Variants in CRISP2 observed in about 807,000 individuals in gnomAD.
CRISP2 encodes cysteine rich secretory protein 2.
In CRISP2, 29 loss-of-function variants were observed where a neutral mutation model predicts 31.7. That is an observed-to-expected ratio of 0.92 (90% CI 0.68 to 1.25). The LOEUF (loss-of-function observed/expected upper bound fraction) is 1.25, where lower values mean the gene tolerates loss of function less well. Ranked by LOEUF, CRISP2 falls within the 50% of genes most tolerant of loss-of-function variation. CRISP2 has a pLI of 0.00. For missense variants in CRISP2, 318 were observed against 286.5 expected, an observed-to-expected ratio of 1.11 and a Z score of -0.79; for synonymous variants, 111 against 101.4, an observed-to-expected ratio of 1.09 and a Z score of -0.57.
At chr6:49,693,255 T>C (rs1050587447) in intron 9 of CRISP2, among the ~76,000 whole-genome samples, 3 of 152,194 alleles carry the variant, frequency 2.0e-5, no homozygotes, top group Admixed American at 2.0e-4. Flanking sequence ...TTTCTATGCC[T>C]GCACAGCCAA....
downstream of CRISP2, among the ~76,000 whole-genome samples, chr6:49,689,327 T>A (rs1005537006): frequency 6.6e-6 from 1 of 152,196 alleles, no homozygotes; most frequent in Non-Finnish European, 1.5e-5. Flanking sequence ...ATACCTCTAG[T>A]ATGGTATTTA....
the CRISP2 span, among the ~76,000 whole-genome samples, chr6:49,677,401 T>C: frequency 1.3e-5 from 2 of 152,154 alleles, no homozygotes; most frequent in African/African-American, 4.8e-5. Context: ...ATTCCTTGTA[T>C]TTATTATGTT....
At chr6:49,687,270 A>G in the CRISP2 span, among the ~76,000 whole-genome samples, 7 of 152,216 alleles carry the variant, frequency 4.6e-5, no homozygotes, top group Non-Finnish European at 1.0e-4. Context: ...TAACAAATAT[A>G]CAATGTATAA....
chr6:49,686,024 T>C, the CRISP2 span, among the ~76,000 whole-genome samples: 1 of 152,188 alleles, frequency 6.6e-6, no homozygotes. Flanking sequence ...CTAGTGTCAA[T>C]ACTTTCTAGT....
chr6:49,677,562 C>T, the CRISP2 span, among the ~76,000 whole-genome samples: 2 of 152,126 alleles, frequency 1.3e-5, no homozygotes, highest in Non-Finnish European at 2.9e-5. Flanking sequence ...GCAGGAAATA[C>T]ATTAAGGATT....
At chr6:49,678,784 G>A in the CRISP2 span, among the ~76,000 whole-genome samples, 15 of 152,176 alleles carry the variant, frequency 9.9e-5, no homozygotes, top group African/African-American at 3.4e-4. Flanking sequence ...TCCTACAAAG[G>A]TCTTTCACCT....
downstream of CRISP2, among the ~76,000 whole-genome samples, chr6:49,688,930 G>A (rs562157052): frequency 4.6e-5 from 7 of 151,964 alleles, no homozygotes; most frequent in South Asian, 2.1e-4. Context: ...GTGCAATGGC[G>A]CCGTCTCAGC....
intron 5 of CRISP2, among the ~76,000 whole-genome samples, 198 bp downstream of exon 5, chr6:49,700,470 C>T (rs1765473564): frequency 6.6e-6 from 1 of 152,150 alleles, no homozygotes; most frequent in African/African-American, 2.4e-5. Flanking sequence ...AATTTAAAAA[C>T]TCTGTATAAT....
the CRISP2 span, among the ~76,000 whole-genome samples, chr6:49,684,706 G>A: frequency 2.0e-5 from 3 of 152,066 alleles, no homozygotes; most frequent in African/African-American, 7.2e-5. Context: ...ATGTAAATTA[G>A]GGGTATCTTA....
the CRISP2 span, among the ~76,000 whole-genome samples, chr6:49,682,573 TTTTCTTTCTTTC>T: frequency 1.9e-5 from 2 of 105,838 alleles, no homozygotes; most frequent in Admixed American, 1.0e-4. Flanking sequence ...CTTTCTTTCT[TTTTCTTTCTTTC>T]TTTTTCTTTC....
chr6:49,701,500 G>GTATATATA (rs1165518459), intron 4 of CRISP2, among the ~76,000 whole-genome samples: 18 of 46,542 alleles, frequency 3.9e-4, no homozygotes, highest in African/African-American at 1.7e-3. Context: ...GTGTGTGTGT[G>GTATATATA]TATATATATA....
intron 4 of CRISP2, among the ~76,000 whole-genome samples, chr6:49,701,741 C>T (rs531846136): frequency 7.8e-4 from 65 of 83,490 alleles, no homozygotes; most frequent in African/African-American, 2.9e-3. Context: ...TATATATACA[C>T]GGTATATATA....
chr6:49,680,941 G>C, the CRISP2 span, among the ~76,000 whole-genome samples: 2 of 152,130 alleles, frequency 1.3e-5, no homozygotes, highest in Non-Finnish European at 2.9e-5. Flanking sequence ...CCATTATGTA[G>C]GTTGTCTGTT....
At chr6:49,692,123 C>G (rs1764083582), downstream of CRISP2, among the ~76,000 whole-genome samples, 1 of 151,992 alleles carries the variant, frequency 6.6e-6, no homozygotes, top group East Asian at 1.9e-4. Flanking sequence ...ATCAAAATAT[C>G]AAAAAGGAGA....
intron 7 of CRISP2, 140 bp from the exon 8 acceptor site, chr6:49,698,097 G>T: frequency 1.4e-6 from 1 of 732,776 alleles, no homozygotes; most frequent in Non-Finnish European, 2.1e-6. Flanking sequence ...TTGAACCAAA[G>T]TCATAAACTT....
chr6:49,677,761 T>C, the CRISP2 span, among the ~76,000 whole-genome samples: 1 of 152,108 alleles, frequency 6.6e-6, no homozygotes, highest in Non-Finnish European at 1.5e-5. Context: ...GCAAGCTTAA[T>C]AATGAATAAA....
chr6:49,700,052 G>C (rs1765404212), intron 5 of CRISP2, among the ~76,000 whole-genome samples, 161 bp from the exon 6 acceptor site: 1 of 152,088 alleles, frequency 6.6e-6, no homozygotes, highest in African/African-American at 2.4e-5. Context: ...TCTGGTGCCA[G>C]TTTACACATG....
At chr6:49,700,363 G>A (rs982550195) in intron 5 of CRISP2, among the ~76,000 whole-genome samples, 7 of 152,068 alleles carry the variant, frequency 4.6e-5, no homozygotes, top group Admixed American at 4.6e-4. Context: ...TGAAGGAAGG[G>A]GGATTTCTTG....
the CRISP2 span, among the ~76,000 whole-genome samples, chr6:49,678,097 A>C: frequency 3.9e-5 from 6 of 152,148 alleles, no homozygotes; most frequent in Non-Finnish European, 2.9e-5. Flanking sequence ...GGGTGAGTAC[A>C]TCCAAAGAAC....
Sources: gnomAD v4.1 joint callset for allele counts (sites outside exome capture counted in the v4.1 genomes callset) on GRCh38, gnomAD v4.1.1 for gene constraint, MANE v1.5 for transcripts, NCBI Gene and HGNC (gene_info 2026-07-23, HGNC 2026-07-21) for gene names.